Variants in DLGAP1 observed in about 807,000 individuals in gnomAD.
The protein encoded by DLGAP1 is disks large-associated protein 1.
DLGAP1 carries 11 observed loss-of-function variants against 90.8 expected under a neutral mutation model. The ratio of observed to expected loss-of-function variants is 0.12; its 90% CI spans 0.08 to 0.20. The LOEUF is 0.20. Among genes scored for constraint, DLGAP1 ranks in the 10% least tolerant of loss-of-function variants. DLGAP1 has a pLI of 1.00. For missense variants in DLGAP1, 1,050 were observed against 1,333.8 expected (o/e 0.79, Z 3.31); for synonymous variants, 558 against 540.7 (o/e 1.03, Z -0.44).
intron 1 of DLGAP1, among the ~76,000 whole-genome samples, chr18:4,183,639 G>T (rs2077244345): frequency 6.6e-6 from 1 of 151,796 alleles, no homozygotes; most frequent in Non-Finnish European, 1.5e-5. Flanking sequence ...CTTTCCTCTG[G>T]AAAGGGAAGA....
intron 10 of DLGAP1, 67 bp from the exon 11 acceptor site, chr18:3,508,728 G>A: frequency 7.5e-7 from 1 of 1,326,286 alleles, no homozygotes; most frequent in Non-Finnish European, 1.1e-6. Flanking sequence ...GTCTGGTAAA[G>A]CAAAGAGGAA....
chr18:4,365,598 C>T, intron 1 of DLGAP1, among the ~76,000 whole-genome samples: 1 of 151,936 alleles, frequency 6.6e-6, no homozygotes, highest in Non-Finnish European at 1.5e-5. Context: ...TATAATGACC[C>T]AATTGGCAGT....
chr18:3,913,169 C>T (rs1435841078), intron 3 of DLGAP1, among the ~76,000 whole-genome samples: 1 of 152,098 alleles, frequency 6.6e-6, no homozygotes, highest in African/African-American at 2.4e-5. Context: ...GGAGTCAATG[C>T]AGCCTCGACC....
At chr18:3,794,918 T>C (rs1341785118) in intron 5 of DLGAP1, among the ~76,000 whole-genome samples, 2 of 152,228 alleles carry the variant, frequency 1.3e-5, no homozygotes, top group African/African-American at 4.8e-5. Context: ...CTCTCCCACT[T>C]ATCTCCCACT....
chr18:3,780,128 T>C (rs1007762754), intron 5 of DLGAP1, among the ~76,000 whole-genome samples: 1 of 152,100 alleles, frequency 6.6e-6, no homozygotes, highest in East Asian at 1.9e-4. Flanking sequence ...TTAAAAAAAA[T>C]TTTAAATTAC....
chr18:3,920,433 C>T (rs963367111), intron 3 of DLGAP1, among the ~76,000 whole-genome samples: 3 of 150,334 alleles, frequency 2.0e-5, no homozygotes, highest in Admixed American at 1.3e-4. Flanking sequence ...TACCATTAGA[C>T]TTACTAAAAT....
intron 4 of DLGAP1, chr18:3,874,346 C>T (rs944372851): frequency 9.9e-6 from 15 of 1,510,964 alleles, no homozygotes; most frequent in Non-Finnish European, 1.3e-5. Context: ...CGTTTTGTTT[C>T]CCTTTTCCTG....
At chr18:3,782,587 G>A (rs1024090331) in intron 5 of DLGAP1, among the ~76,000 whole-genome samples, 4 of 152,156 alleles carry the variant, frequency 2.6e-5, no homozygotes, top group African/African-American at 7.2e-5. Context: ...TTCTGGGTAG[G>A]GGGAAGAAAA....
intron 3 of DLGAP1, chr18:3,983,550 A>T (rs8096260): frequency 0.35 from 52,636 of 152,022 alleles, 9,284 homozygotes; most frequent in East Asian, 0.48. Flanking sequence ...CCGCTACTTG[A>T]GACATCATTA....
At chr18:4,410,685 A>AATATAT (rs33973172) in intron 1 of DLGAP1, among the ~76,000 whole-genome samples, 1 of 149,864 alleles carries the variant, frequency 6.7e-6, no homozygotes, top group African/African-American at 2.4e-5. Flanking sequence ...ATTCCCCCCA[A>AATATAT]ATATATATAT....
At chr18:4,309,539 C>T (rs1379618382) in intron 1 of DLGAP1, among the ~76,000 whole-genome samples, 8 of 152,154 alleles carry the variant, frequency 5.3e-5, no homozygotes, top group Admixed American at 3.9e-4. Context: ...TTCCCCGAAA[C>T]TTTAATCACA....
At position 4,190,403 on chromosome 18, in the gene DLGAP1, T is replaced by C. The variant is rs375145648; in HGVS notation, c.-266-39116A>G. On this transcript the variant is annotated intron_variant, in intron 1 of 12. Coordinates refer to ENST00000315677, the MANE Select transcript of DLGAP1 (RefSeq NM_004746.4). ...AAATGGTTGAAGTACAAGAAAACTT[T>C]AGAGCATTGAAACTTTGAAACTATT... 3.5e-4 allele frequency among the ~76,000 whole-genome samples: 54 copies of C among 152,198 alleles called. No homozygotes were observed. The South Asian group carries it at 1.0e-2, about 28-fold the overall frequency.
chr18:3,846,388 G>T (rs940235266), intron 4 of DLGAP1, among the ~76,000 whole-genome samples: 1 of 152,100 alleles, frequency 6.6e-6, no homozygotes, highest in Non-Finnish European at 1.5e-5. Context: ...TTAAATGATT[G>T]GTTTGTTTCA....
chr18:3,602,883 A>AT (rs1215394026), intron 7 of DLGAP1: 3 of 152,196 alleles, frequency 2.0e-5, no homozygotes, highest in Non-Finnish European at 4.4e-5. Flanking sequence ...GGACGCAAAT[A>AT]TATCCTGCGT....
chr18:4,184,067 G>C (rs181787010), intron 1 of DLGAP1, among the ~76,000 whole-genome samples: 1 of 152,124 alleles, frequency 6.6e-6, no homozygotes, highest in African/African-American at 2.4e-5. Context: ...GCAGAAAGAA[G>C]AGCGTTAAAT....
At chr18:4,243,103 C>A (rs1247336480) in intron 1 of DLGAP1, among the ~76,000 whole-genome samples, 1 of 152,056 alleles carries the variant, frequency 6.6e-6, no homozygotes, top group East Asian at 1.9e-4. Context: ...GAGGCTTGTG[C>A]CTTGTGCTGT....
chr18:3,809,797 T>C (rs1459645759), intron 5 of DLGAP1, among the ~76,000 whole-genome samples: 1 of 152,220 alleles, frequency 6.6e-6, no homozygotes, highest in Admixed American at 6.5e-5. Context: ...AAAAGTTCTT[T>C]CTGCAGTGTA....
chr18:3,747,270 A>G (rs1414568811), intron 5 of DLGAP1, among the ~76,000 whole-genome samples: 2 of 152,224 alleles, frequency 1.3e-5, no homozygotes, highest in African/African-American at 4.8e-5. Context: ...ACATGAAAAT[A>G]GTTTGCCAGG....
intron 1 of DLGAP1, among the ~76,000 whole-genome samples, chr18:4,348,100 C>T (rs565441961): frequency 7.9e-4 from 120 of 152,050 alleles, no homozygotes; most frequent in African/African-American, 2.6e-3. Context: ...GTGTTTTGAC[C>T]GCTTACTCCA....
Sources: allele counts gnomAD v4.1 joint callset (sites outside exome capture counted in the v4.1 genomes callset), GRCh38; gene constraint gnomAD v4.1.1; transcripts MANE v1.5; gene names NCBI Gene and HGNC (gene_info 2026-07-23, HGNC 2026-07-21).